BCAS3: variants seen among roughly 807,000 people sequenced by gnomAD.
BCAS3 encodes the protein BCAS3 microtubule associated cell migration factor, also known as BCAS4/BCAS3 fusion.
BCAS3 carries 53 observed loss-of-function variants against 116.1 expected under a neutral mutation model. The observed-to-expected ratio is 0.46, with a 90% CI of 0.37 to 0.57. BCAS3 has a LOEUF of 0.57. BCAS3 is among the 20% of genes least tolerant of loss of function. The pLI is 0.00. For missense variants in BCAS3, 917 were observed against 1,165.4 expected (o/e 0.79, Z 3.10); for synonymous variants, 391 against 408.2 (o/e 0.96, Z 0.51).
chr17:61,368,208 A>G lies in BCAS3; in HGVS notation c.2426-119A>G, dbSNP rs1032040227. 1 of 1,129,366 alleles carries G rather than the reference A, an allele frequency of 8.9e-7. No homozygotes were observed. The highest frequency in any genetic ancestry group is 1.7e-5 in the South Asian group (1 of 58,354). 70.0% of individuals were successfully genotyped at this position (1,129,366 alleles called of 1,614,324 possible). A position where few individuals can be genotyped will look rare whatever the true frequency, so the allele number is the denominator to read the frequency against. On this transcript the variant is annotated intron_variant, in intron 22 of 23. Transcript: ENST00000407086. The surrounding 1 kb of genome is among the most constrained non-coding windows in gnomAD (Gnocchi z 6.0). ...CCCAGTCTGTTGGCGGCGTGCTTCC[A>G]TCCTACAGGAAGGCTACAATGGACC... is the stretch of plus-strand genomic sequence containing the variant.
In BCAS3 at chr17:61,220,016, C is replaced by T. The variant is rs1224192449; in HGVS notation, c.2425+135452C>T. 2.0e-5 allele frequency among the ~76,000 whole-genome samples: 3 copies of T among 152,130 alleles called. No individual in the cohort carries two copies. Among genetic ancestry groups the T allele is most frequent in the East Asian group, 3.9e-4 (2 of 5,192 alleles). On this transcript the variant is annotated intron_variant, in intron 22 of 23. Transcript: ENST00000407086. The surrounding 1 kb of genome is among the most constrained non-coding windows in gnomAD (Gnocchi z 4.5). ...GTGCCGTTAAAACTAAAGTTTTCGGCCGGGCGCGGTGGCTCACGCCTGTAA... is the reference window on the plus strand; with the variant it reads ...GTGCCGTTAAAACTAAAGTTTTCGGTCGGGCGCGGTGGCTCACGCCTGTAA...
At chr17:60,767,212 A>C (rs2044198776) in intron 6 of BCAS3, among the ~76,000 whole-genome samples, 1 of 151,996 alleles carries the variant, frequency 6.6e-6, no homozygotes, top group African/African-American at 2.4e-5. Context: ...CCACTGTCTG[A>C]CCAGTCCCAA....
chr17:61,152,711 A>G (rs139504057), intron 22 of BCAS3, among the ~76,000 whole-genome samples: 3,365 of 152,004 alleles, frequency 0.022, 48 homozygotes, highest in Middle Eastern at 0.075. Context: ...TCTTAAGGTT[A>G]ACTTCTAAAA....
intron 22 of BCAS3, among the ~76,000 whole-genome samples, chr17:61,120,658 C>T (rs987752123): frequency 6.6e-6 from 1 of 151,992 alleles, no homozygotes; most frequent in Non-Finnish European, 1.5e-5. Context: ...TGAAGCAAAT[C>T]CAGATGTCAT....
intron 22 of BCAS3, among the ~76,000 whole-genome samples, chr17:61,127,362 A>T (rs953473739): frequency 1.3e-4 from 19 of 147,368 alleles, no homozygotes; most frequent in African/African-American, 5.1e-4. Context: ...TTCTCGTGTA[A>T]GTGAGGGTTT....
At chr17:61,232,218 A>AG (rs1389364515) in intron 22 of BCAS3, among the ~76,000 whole-genome samples, 6 of 151,564 alleles carry the variant, frequency 4.0e-5, no homozygotes, top group Admixed American at 6.6e-5. Flanking sequence ...AAAAAAAAAA[A>AG]AAAGAAAGAG....
chr17:61,143,667 G>A (rs560719694), intron 22 of BCAS3, among the ~76,000 whole-genome samples: 5 of 152,260 alleles, frequency 3.3e-5, no homozygotes, highest in Admixed American at 6.5e-5. Flanking sequence ...AAATTAGCCC[G>A]GCATGGTGGC....
In BCAS3 at chr17:60,679,559, A is replaced by T. The variant is rs778701813; in HGVS notation, c.83+19A>T. ...CTGTCACGTAAGCACATTTCAGATA[A>T]ACCCAATAGCTGAAGAAAAGATTAC... is the stretch of plus-strand genomic sequence containing the variant. On this transcript the variant is annotated intron_variant, in intron 2 of 23. Coordinates refer to ENST00000407086, the MANE Select transcript of BCAS3 (RefSeq NM_017679.5). 1 of 1,573,878 alleles carries T rather than the reference A, an allele frequency of 6.4e-7. No individual in the cohort carries two copies. Among genetic ancestry groups the T allele is most frequent in the African/African-American group, 1.3e-5 (1 of 74,096 alleles).
intron 13 of BCAS3, 27 bp from the exon 14 acceptor site, chr17:60,947,192 T>G: frequency 6.3e-7 from 1 of 1,594,808 alleles, no homozygotes; most frequent in Non-Finnish European, 8.6e-7. Context: ...TCATTTTTAT[T>G]TTTACCCTTT....
chr17:60,793,578 A>G (rs1009165672), intron 6 of BCAS3, among the ~76,000 whole-genome samples: 1 of 151,896 alleles, frequency 6.6e-6, no homozygotes, highest in East Asian at 1.9e-4. Context: ...CCAAGTCCCC[A>G]AAGTCCACTG....
At chr17:60,971,737 A>G (rs569871674) in intron 14 of BCAS3, among the ~76,000 whole-genome samples, 20 of 152,284 alleles carry the variant, frequency 1.3e-4, no homozygotes, top group South Asian at 4.1e-4. Context: ...GCTCAACCAG[A>G]CTGGCTGTAC....
At chr17:60,803,512 A>G (rs1368361250) in intron 6 of BCAS3, among the ~76,000 whole-genome samples, 1 of 152,140 alleles carries the variant, frequency 6.6e-6, no homozygotes, top group African/African-American at 2.4e-5. Context: ...TCTTGGGGTT[A>G]TATATTTTTA....
Position 61,327,510 on chromosome 17 carries a change from A to ATT in BCAS3, c.2426-40805_2426-40804dup, listed in dbSNP as rs1261746968. The stretch of plus-strand genomic sequence containing the variant: ...GGGAGCAAATAGAAAATGAAGCAAA[A>ATT]TTTTTTTTTTTTTAGACAGAGTCTC... On this transcript the variant is annotated intron_variant, in intron 22 of 23. Coordinates refer to ENST00000407086, the MANE Select transcript of BCAS3 (RefSeq NM_017679.5). This position sits in a 1 kb window ranked among gnomAD's most constrained non-coding sequence, Gnocchi z 5.9. Among the ~76,000 whole-genome samples the ATT allele has an allele frequency of 6.9e-6, 1 of 145,542 alleles. No individual in the cohort carries two copies. The highest frequency in any genetic ancestry group is 2.5e-5 in the African/African-American group (1 of 39,902).
At chr17:60,711,702 A>AT (rs58579522) in intron 5 of BCAS3, among the ~76,000 whole-genome samples, 21 of 150,658 alleles carry the variant, frequency 1.4e-4, no homozygotes, top group East Asian at 3.9e-4. Flanking sequence ...GACTTGAATA[A>AT]TTTTTTTTTT....
intron 14 of BCAS3, among the ~76,000 whole-genome samples, chr17:60,989,471 A>G (rs1310280891): frequency 6.7e-6 from 1 of 148,884 alleles, no homozygotes; most frequent in Non-Finnish European, 1.5e-5. Context: ...TTTTTTGTAA[A>G]TAAAGTTGTT....
At chr17:60,951,029 T>C (rs1003544353) in intron 14 of BCAS3, among the ~76,000 whole-genome samples, 21 of 152,336 alleles carry the variant, frequency 1.4e-4, no homozygotes, top group Middle Eastern at 3.4e-3. Context: ...CTGACATCTT[T>C]ATGTTGTAGA....
rs376145140 is a variant in BCAS3 at position 61,010,549 on chromosome 17, C to T, written c.1487-5202C>T. ...AACATAGAAAGTCAGTGGTTGAACC[C>T]GAAAGTGAATGGTTCTGGTGTAATG... On this transcript the variant is annotated intron_variant, in intron 15 of 23. Transcript: ENST00000407086. Among the ~76,000 whole-genome samples the T allele has an allele frequency of 3.2e-4, 48 of 151,054 alleles. No homozygotes were observed. The East Asian group carries it at 4.7e-3, about 15-fold the overall frequency.
At chr17:61,303,996 A>G (rs1380042495) in intron 22 of BCAS3, among the ~76,000 whole-genome samples, 2 of 152,168 alleles carry the variant, frequency 1.3e-5, no homozygotes, top group African/African-American at 2.4e-5. Flanking sequence ...TCTGAATCCC[A>G]GTCTGTAACA....
intron 22 of BCAS3, among the ~76,000 whole-genome samples, chr17:61,293,120 T>C (rs2052590209): frequency 6.6e-6 from 1 of 152,176 alleles, no homozygotes; most frequent in African/African-American, 2.4e-5. Context: ...TGTGGACTCA[T>C]GTTCTGTAAG....
Sources: allele counts gnomAD v4.1 joint callset (sites outside exome capture counted in the v4.1 genomes callset), GRCh38; gene constraint gnomAD v4.1.1; non-coding constraint Gnocchi (gnomAD v3.1); transcripts MANE v1.5; gene names NCBI Gene and HGNC (gene_info 2026-07-23, HGNC 2026-07-21).